XYLB: variants seen among roughly 807,000 people sequenced by gnomAD.
The protein encoded by XYLB is xylulokinase.
In XYLB, 62 loss-of-function variants were observed where a neutral mutation model predicts 78.7. The ratio of observed to expected loss-of-function variants is 0.79; its 90% CI spans 0.64 to 0.97. The LOEUF (loss-of-function observed/expected upper bound fraction) is 0.97, where lower values mean the gene tolerates loss of function less well. Ranked by LOEUF, XYLB falls within the 50% of genes least tolerant of loss-of-function variation. The probability of loss-of-function intolerance (pLI) is 0.00; values close to 1 mark genes in which losing one functional copy is unlikely to be tolerated. For missense variants in XYLB, 687 were observed against 676.8 expected, an observed-to-expected ratio of 1.02 and a Z score of -0.17; for synonymous variants, 245 against 247.4, an observed-to-expected ratio of 0.99 and a Z score of 0.09.
chr3:38,397,043 C>G (rs758417413), intron 16 of XYLB, 29 bp from the exon 17 acceptor site: 1 of 1,610,968 alleles, frequency 6.2e-7, no homozygotes, highest in Non-Finnish European at 8.5e-7. Flanking sequence ...GAATGGCTCA[C>G]CACAGTAGAA....
chr3:38,398,519 C>G (rs1707983955), intron 17 of XYLB, among the ~76,000 whole-genome samples: 1 of 151,882 alleles, frequency 6.6e-6, no homozygotes, highest in Non-Finnish European at 1.5e-5. Flanking sequence ...TCTCCCCACC[C>G]CATCTACCTC....
chr3:38,379,337 G>A lies in XYLB; in HGVS notation c.1286G>A (p.Arg429Gln), dbSNP rs144082008. 2.1e-4 allele frequency: 338 copies of A among 1,614,046 alleles called. 1 individual carries two copies. The African/African-American group carries it at 3.4e-3, about 16-fold the overall frequency. Residue 429 changes from arginine (R) to glutamine (Q), a missense_variant, in exon 15 of 19, where the codon CGA (arginine) becomes CAA (glutamine). Physicochemically the swap from Arg to Gln is conservative, Grantham distance 43. Transcript: ENST00000207870. ...KRIHAEGLGY[R>Q]VMSKTKILAT... ...ATTCACGCAGAAGGCCTGGGCTATC[G>A]AGTCAGTAAGTGAGCCACTGGCAGC...
At position 38,400,964 on chromosome 3, in the gene XYLB, C is replaced by A; in HGVS notation, c.1512C>A (p.Thr504=). ...CTCCAAATCCCAGACTAGCTGCTAC[C>A]CCAAGCCCGGGAGCTTCTCAGGTGA... ...KLAPNPRLAA[T]PSPGASQVYE... is the part of the protein sequence containing the mutation. Residue 504 remains threonine, a synonymous_variant, in exon 18 of 19, where the codon ACC becomes ACA. Transcript: ENST00000207870. 6.2e-7 allele frequency: 1 copy of A among 1,614,172 alleles called. No homozygotes were observed. Among genetic ancestry groups the A allele is most frequent in the Non-Finnish European group, 8.5e-7 (1 of 1,180,028 alleles).
intron 18 of XYLB, among the ~76,000 whole-genome samples, chr3:38,404,497 C>A (rs572223542): frequency 1.3e-5 from 2 of 152,292 alleles, no homozygotes; most frequent in East Asian, 3.9e-4. Context: ...AAGAGTAGGC[C>A]CCAGTTGCAT....
rs1034857325 is a variant in XYLB, at chr3:38,366,086, A to G, written c.507+350A>G. ...TGAAAGAAGTCAGTGCATGTAAGGCACTTAGTGTAGTGCCTGGCAATGTTA... is the reference window on the plus strand; with the variant it reads ...TGAAAGAAGTCAGTGCATGTAAGGCGCTTAGTGTAGTGCCTGGCAATGTTA... On this transcript the variant is annotated intron_variant, in intron 6 of 18. Coordinates refer to ENST00000207870, the MANE Select transcript of XYLB (RefSeq NM_005108.4). Among the ~76,000 whole-genome samples the G allele has an allele frequency of 1.7e-4, 25 of 150,402 alleles. 1 individual carries two copies. The highest frequency in any genetic ancestry group is 2.5e-5 in the African/African-American group (1 of 40,574).
chr3:38,445,361 C>A, the XYLB span, among the ~76,000 whole-genome samples: 1 of 151,982 alleles, frequency 6.6e-6, no homozygotes, highest in Non-Finnish European at 1.5e-5. Flanking sequence ...AGCCTGGGTG[C>A]CTAAAGAAGG....
chr3:38,386,478 A>T (rs577442449), intron 15 of XYLB, among the ~76,000 whole-genome samples: 2 of 152,040 alleles, frequency 1.3e-5, no homozygotes, highest in Non-Finnish European at 2.9e-5. Context: ...TAATCCATCC[A>T]TTTACAAAAT....
chr3:38,372,290 T>C lies in XYLB; in HGVS notation c.766-365T>C, dbSNP rs184272855. 675 of 603,818 alleles carry C rather than the reference T, an allele frequency of 1.1e-3. 2 individuals carry two copies. The highest frequency in any genetic ancestry group is 9.6e-4 in the Non-Finnish European group (464 of 481,308). The allele number at this position is 603,818 out of a possible 1,614,324, so 37.4% of individuals were successfully genotyped here. A position where few individuals can be genotyped will look rare whatever the true frequency, so the allele number is the denominator to read the frequency against. ...GAGGCATTATCTGCTCCCATGAGTT[T>C]GCTTACTGGTGTCCTGTTACCTTTT... On this transcript the variant is annotated intron_variant, in intron 9 of 18. Coordinates refer to ENST00000207870, the MANE Select transcript of XYLB (RefSeq NM_005108.4).
chr3:38,421,888 G>A (rs1708990222), downstream of XYLB, among the ~76,000 whole-genome samples: 2 of 152,086 alleles, frequency 1.3e-5, no homozygotes, highest in South Asian at 4.2e-4. Flanking sequence ...AAAAGTAGTT[G>A]CCCCAGTGAC....
intron 18 of XYLB, among the ~76,000 whole-genome samples, chr3:38,407,570 T>G (rs1575539892): frequency 6.6e-6 from 1 of 151,862 alleles, no homozygotes; most frequent in East Asian, 1.9e-4. Context: ...AATGCTCCAA[T>G]TAAAAGACAC....
chr3:38,363,183 A>G (rs1292122034), intron 4 of XYLB, among the ~76,000 whole-genome samples, 166 bp downstream of exon 4: 1 of 152,220 alleles, frequency 6.6e-6, no homozygotes, highest in African/African-American at 2.4e-5. Context: ...TACTTTGGAG[A>G]CTGTATAACT....
chr3:38,349,573 T>C (rs1705246494), intron 2 of XYLB, among the ~76,000 whole-genome samples: 3 of 152,224 alleles, frequency 2.0e-5, no homozygotes, highest in Admixed American at 2.0e-4. Context: ...ATGTGAGATG[T>C]AAGGGTGGGA....
At chr3:38,393,083 T>C (rs935013885) in intron 15 of XYLB, among the ~76,000 whole-genome samples, 2 of 152,246 alleles carry the variant, frequency 1.3e-5, no homozygotes, top group Non-Finnish European at 2.9e-5. Flanking sequence ...CCATTACTTG[T>C]AGTGCCCCCT....
chr3:38,354,234 A>AT (rs1559571262), intron 2 of XYLB, among the ~76,000 whole-genome samples: 1 of 151,620 alleles, frequency 6.6e-6, no homozygotes, highest in South Asian at 2.1e-4. Context: ...CCACTGGCTA[A>AT]TTTTTGTATT....
At chr3:38,370,936 C>T (rs1706524309) in intron 9 of XYLB, among the ~76,000 whole-genome samples, 1 of 152,040 alleles carries the variant, frequency 6.6e-6, no homozygotes, top group Non-Finnish European at 1.5e-5. Flanking sequence ...GTGGGAAATG[C>T]TTACCACAGA....
chr3:38,412,954 C>A lies in XYLB; in HGVS notation c.1552C>A (p.Pro518Thr). The A allele has an allele frequency of 6.2e-7, 1 of 1,603,494 alleles. No individual in the cohort carries two copies. The highest frequency in any genetic ancestry group is 1.1e-5 in the South Asian group (1 of 89,216). Reference protein sequence around the residue: ...GASQVYEALLPQYAKLEQRIL... With the variant: ...GASQVYEALLTQYAKLEQRIL... ...CTTCTAGGTCTACGAGGCCCTTCTC[C>A]CCCAGTATGCCAAACTCGAGCAGAG... The change falls in exon 19 of 19, where the codon CCC becomes ACC. Residue 518 changes from proline (P) to threonine (T), a missense_variant. Transcript: ENST00000207870.
chr3:38,431,998 C>A, the XYLB span, among the ~76,000 whole-genome samples: 5 of 152,262 alleles, frequency 3.3e-5, no homozygotes, highest in African/African-American at 1.2e-4. Flanking sequence ...GAGGTACAGG[C>A]ATTGGGTAAA....
At chr3:38,387,027 G>T (rs1175927225) in intron 15 of XYLB, among the ~76,000 whole-genome samples, 1 of 152,088 alleles carries the variant, frequency 6.6e-6, no homozygotes, top group Non-Finnish European at 1.5e-5. Context: ...GAATGTAATG[G>T]GGTTTTCTTC....
intron 13 of XYLB, among the ~76,000 whole-genome samples, chr3:38,376,535 G>T (rs1257413380): frequency 2.0e-5 from 3 of 152,202 alleles, no homozygotes; most frequent in Non-Finnish European, 4.4e-5. Context: ...CTCTACCCTG[G>T]TGCATCCCCG....
Sources: allele counts gnomAD v4.1 joint callset (sites outside exome capture counted in the v4.1 genomes callset), GRCh38; gene constraint gnomAD v4.1.1; transcripts MANE v1.5; gene names NCBI Gene and HGNC (gene_info 2026-07-23, HGNC 2026-07-21).